BCL7C: variants seen among roughly 807,000 people sequenced by gnomAD.
The protein encoded by BCL7C is BAF chromatin remodeling complex subunit BCL7C, also known as B-cell CLL/lymphoma 7 protein family member C.
Under a neutral mutation model 26.2 loss-of-function variants are expected in BCL7C, and 8 were observed. That is an observed-to-expected ratio of 0.30 (90% CI 0.18 to 0.55). BCL7C has a LOEUF of 0.55. BCL7C is among the 20% of genes least tolerant of loss of function. BCL7C has a pLI of 0.93. For synonymous variants in BCL7C, 90 were observed against 116.5 expected, an observed-to-expected ratio of 0.77 and a Z score of 1.47; for missense variants, 262 against 298.5, an observed-to-expected ratio of 0.88 and a Z score of 0.90.
chr16:30,869,070 G>A (rs1490156532), intron 5 of BCL7C, among the ~76,000 whole-genome samples: 3 of 151,738 alleles, frequency 2.0e-5, no homozygotes, highest in Non-Finnish European at 4.4e-5. Flanking sequence ...TCATGGCCAT[G>A]GCTTTGTGAG....
At chr16:30,885,872 C>T (rs1265959896), downstream of BCL7C, among the ~76,000 whole-genome samples, 1 of 152,172 alleles carries the variant, frequency 6.6e-6, no homozygotes, top group African/African-American at 2.4e-5. Flanking sequence ...TTTGTTTAGA[C>T]ACAGGGTCTT....
intron 5 of BCL7C, 85 bp from the exon 6 acceptor site, chr16:30,888,075 T>C (rs2055163572): frequency 5.0e-6 from 7 of 1,386,736 alleles, no homozygotes; most frequent in Non-Finnish European, 6.8e-6. Flanking sequence ...AAGCCTCCAC[T>C]CCCCTCCCCT....
intron 5 of BCL7C, among the ~76,000 whole-genome samples, chr16:30,860,918 T>C (rs2054765966): frequency 6.6e-6 from 1 of 152,130 alleles, no homozygotes; most frequent in Admixed American, 6.6e-5. Context: ...CCTGACCCTA[T>C]AATCCTTCTA....
chr16:30,871,377 T>G (rs571186045), intron 5 of BCL7C, among the ~76,000 whole-genome samples: 2 of 152,252 alleles, frequency 1.3e-5, no homozygotes, highest in African/African-American at 4.8e-5. Flanking sequence ...TGTGCCTTGC[T>G]TTTCTCATCT....
At chr16:30,860,183 G>A (rs1043106989) in intron 5 of BCL7C, among the ~76,000 whole-genome samples, 2 of 152,196 alleles carry the variant, frequency 1.3e-5, no homozygotes, top group South Asian at 2.1e-4. Context: ...CTCCAGTGCC[G>A]GTCACGGACT....
chr16:30,854,404 A>G (rs2054701669), intron 5 of BCL7C, among the ~76,000 whole-genome samples: 1 of 152,134 alleles, frequency 6.6e-6, no homozygotes, highest in African/African-American at 2.4e-5. Flanking sequence ...GTGCTTACTG[A>G]TGTGCTTCAA....
chr16:30,862,259 C>T (rs567912842), intron 5 of BCL7C, among the ~76,000 whole-genome samples: 2 of 152,244 alleles, frequency 1.3e-5, no homozygotes, highest in African/African-American at 4.8e-5. Flanking sequence ...AGCCACACCT[C>T]AATACCTCCC....
At position 30,834,912 on chromosome 16, in the gene BCL7C, A is replaced by T; in HGVS notation, c.*36T>A. The T allele has an allele frequency of 1.4e-6, 2 of 1,464,486 alleles. No individual in the cohort carries two copies. The highest frequency in any genetic ancestry group is 1.8e-6 in the Non-Finnish European group (2 of 1,102,080). The allele number at this position is 1,464,486 out of a possible 1,614,324, so 90.7% of individuals were successfully genotyped here. ...GGCTGGATCTTGGGGCAGCCAAGGGAGGCTTTAGGGGTCTTGGCTTGCTTG... is the reference window on the plus strand; with the variant it reads ...GGCTGGATCTTGGGGCAGCCAAGGGTGGCTTTAGGGGTCTTGGCTTGCTTG... On this transcript the variant is annotated 3_prime_UTR_variant, in exon 6 of 6. Coordinates refer to the BCL7C transcript ENST00000380317. The surrounding 1 kb of genome is among the most constrained non-coding windows in gnomAD (Gnocchi z 4.3).
At chr16:30,853,414 G>A (rs368991222) in intron 5 of BCL7C, among the ~76,000 whole-genome samples, 4 of 151,988 alleles carry the variant, frequency 2.6e-5, no homozygotes, top group African/African-American at 9.7e-5. Context: ...GCAATAACAC[G>A]CATGGAGCTG....
chr16:30,887,731 C>A (rs1263943381), downstream of BCL7C: 2 of 1,385,708 alleles, frequency 1.4e-6, no homozygotes, highest in Non-Finnish European at 9.6e-7. Context: ...AGCAATGGTG[C>A]ATGAGACAAA....
chr16:30,881,905 C>G (rs2055049727), intron 5 of BCL7C, among the ~76,000 whole-genome samples: 1 of 152,172 alleles, frequency 6.6e-6, no homozygotes, highest in African/African-American at 2.4e-5. Flanking sequence ...CTCTAACTTC[C>G]TGCTTAGGAT....
chr16:30,867,849 G>T (rs1255782309), intron 5 of BCL7C, among the ~76,000 whole-genome samples: 1 of 151,974 alleles, frequency 6.6e-6, no homozygotes, highest in East Asian at 1.9e-4. Context: ...ATCAGAGGGA[G>T]ATGTGATTGT....
chr16:30,877,579 A>G (rs991139362), intron 5 of BCL7C, among the ~76,000 whole-genome samples: 4 of 151,756 alleles, frequency 2.6e-5, no homozygotes, highest in African/African-American at 9.7e-5. Flanking sequence ...AGCTGGGACT[A>G]CAGGCACCCG....
At chr16:30,874,286 G>C (rs781630136) in intron 5 of BCL7C, among the ~76,000 whole-genome samples, 3 of 151,994 alleles carry the variant, frequency 2.0e-5, no homozygotes, top group Non-Finnish European at 4.4e-5. Context: ...GTGAGCCACT[G>C]AGCCCAGCCT....
chr16:30,838,203 C>A (rs1567306462), intron 5 of BCL7C, among the ~76,000 whole-genome samples: 1 of 152,154 alleles, frequency 6.6e-6, no homozygotes, highest in Non-Finnish European at 1.5e-5. Context: ...TTATCTGTGA[C>A]CTTGGGTAAA....
chr16:30,873,848 C>CAA (rs201448296), intron 5 of BCL7C, among the ~76,000 whole-genome samples: 2,807 of 133,362 alleles, frequency 0.021, 64 homozygotes, highest in African/African-American at 0.029. Flanking sequence ...TACACTGTCT[C>CAA]AAAAAAAAAA....
chr16:30,840,084 G>T (rs1052495036), intron 5 of BCL7C, among the ~76,000 whole-genome samples: 5 of 152,144 alleles, frequency 3.3e-5, no homozygotes, highest in African/African-American at 1.2e-4. Flanking sequence ...ACTTACTTAG[G>T]AAGGAATGGA....
chr16:30,867,261 T>C (rs184730256), intron 5 of BCL7C, among the ~76,000 whole-genome samples: 1 of 152,238 alleles, frequency 6.6e-6, no homozygotes, highest in Non-Finnish European at 1.5e-5. Flanking sequence ...GTTTGGGTGG[T>C]GGTTATAAGG....
intron 5 of BCL7C, among the ~76,000 whole-genome samples, chr16:30,873,954 TACAC>T (rs145435913): frequency 3.6e-5 from 5 of 137,764 alleles, no homozygotes; most frequent in East Asian, 2.1e-4. Context: ...GATATATGTA[TACAC>T]ACACACACAC....
Sources: gnomAD v4.1 joint callset for allele counts (sites outside exome capture counted in the v4.1 genomes callset) on GRCh38, gnomAD v4.1.1 for gene constraint, Gnocchi (gnomAD v3.1) non-coding constraint, MANE v1.5 for transcripts, NCBI Gene and HGNC (gene_info 2026-07-23, HGNC 2026-07-21) for gene names.